Variants in AQR observed in about 807,000 individuals in gnomAD.
The protein encoded by AQR is aquarius intron-binding spliceosomal factor, also known as RNA helicase aquarius.
AQR carries 61 observed loss-of-function variants against 180.5 expected under a neutral mutation model. That is an observed-to-expected ratio of 0.34 (90% CI 0.28 to 0.42). The LOEUF (loss-of-function observed/expected upper bound fraction) is 0.42, where lower values mean the gene tolerates loss of function less well. AQR is among the 10% of genes least tolerant of loss of function. AQR has a pLI of 1.00. For missense variants in AQR, 1,281 were observed against 1,798.3 expected, an observed-to-expected ratio of 0.71 and a Z score of 5.20; for synonymous variants, 551 against 588.8, an observed-to-expected ratio of 0.94 and a Z score of 0.93.
At chr15:34,957,711 T>TA (rs1161297507) in intron 3 of AQR, among the ~76,000 whole-genome samples, 6 of 60,806 alleles carry the variant, frequency 9.9e-5, no homozygotes, top group Non-Finnish European at 1.9e-4. Flanking sequence ...CAAAAAAACA[T>TA]AAAAAAAACA....
chr15:34,878,919 T>C (rs374809962), intron 27 of AQR, among the ~76,000 whole-genome samples: 3 of 151,948 alleles, frequency 2.0e-5, no homozygotes, highest in East Asian at 3.9e-4. Flanking sequence ...TCCCAGCTAC[T>C]TGGGAGGCTG....
At chr15:34,862,123 A>T (rs560244615) in intron 33 of AQR, among the ~76,000 whole-genome samples, 16 of 152,302 alleles carry the variant, frequency 1.1e-4, no homozygotes, top group African/African-American at 3.8e-4. Flanking sequence ...GGGAGAAAGA[A>T]GGGGAGATAA....
chr15:34,876,172 T>C (rs1358904168), intron 27 of AQR, among the ~76,000 whole-genome samples, 166 bp from the exon 28 acceptor site: 2 of 152,328 alleles, frequency 1.3e-5, no homozygotes, highest in South Asian at 4.1e-4. Flanking sequence ...AGAAACTTCA[T>C]GGTCTTACTT....
At position 34,910,297 on chromosome 15, in the gene AQR, C is replaced by T. The variant is rs777879419; in HGVS notation, c.1501G>A (p.Gly501Ser). The T allele has an allele frequency of 1.3e-5, 21 of 1,613,122 alleles. No homozygotes were observed. Among genetic ancestry groups the T allele is most frequent in the Admixed American group, 3.3e-5 (2 of 59,774 alleles). Residue 501 changes from glycine to serine, a missense_variant, in exon 17 of 35, where the codon GGT (glycine) becomes AGT (serine). By Grantham distance (56) the Gly-to-Ser change is moderately conservative (BLOSUM62 0). Coordinates refer to ENST00000156471, the MANE Select transcript of AQR (RefSeq NM_014691.3). ...RMKPWQSEYG[G>S]VVFGGWARMA... The stretch of plus-strand genomic sequence containing the variant: ...CGCGCCCAACCACCAAACACTACAC[C>T]GCCATATTCAGATTGCCTGAAACCA...
chr15:34,946,705 T>TG (rs1394068359), intron 5 of AQR, among the ~76,000 whole-genome samples: 33 of 67,586 alleles, frequency 4.9e-4, no homozygotes, highest in African/African-American at 6.0e-4. Flanking sequence ...GGGAGGGAGG[T>TG]GGGGGGGTCA....
chr15:34,941,031 T>C (rs748147802), intron 7 of AQR, 32 bp from the exon 8 acceptor site: 2 of 1,456,022 alleles, frequency 1.4e-6, no homozygotes, highest in African/African-American at 2.8e-5. Context: ...AAATTACCAG[T>C]AGCCTCAAAG....
intron 5 of AQR, 100 bp from the exon 6 acceptor site, chr15:34,944,528 A>G (rs1894080898): frequency 3.3e-6 from 4 of 1,220,678 alleles, no homozygotes; most frequent in African/African-American, 3.1e-5. Flanking sequence ...AAAAAACCAA[A>G]TAATTACAAA....
rs374821058 is a variant in AQR at position 34,936,967 on chromosome 15, T to C, written c.718+1770A>G. 1.6e-4 allele frequency among the ~76,000 whole-genome samples: 25 copies of C among 152,306 alleles called. No individual in the cohort carries two copies. The South Asian group carries it at 1.7e-3, about 10-fold the overall frequency. Reference sequence around the variant, plus strand: ...CCCAATCTTAGTCCTCTTTCCAGGTTTGAAGGCACTTAGTGGAAAGATTTA... The same window carrying C: ...CCCAATCTTAGTCCTCTTTCCAGGTCTGAAGGCACTTAGTGGAAAGATTTA... On this transcript the variant is annotated intron_variant, in intron 9 of 34. Coordinates refer to ENST00000156471, the MANE Select transcript of AQR (RefSeq NM_014691.3).
rs149331763 is a variant in AQR, at chr15:34,864,784, G to A, written c.3855-1743C>T. On this transcript the variant is annotated intron_variant, in intron 32 of 34. Coordinates refer to ENST00000156471, the MANE Select transcript of AQR (RefSeq NM_014691.3). ...TCTCCCCAGCCTTCAGTGCTATAGT[G>A]CAGTAAAGTGGCTTTTGTCAGTATG... Among the ~76,000 whole-genome samples, 46 of 152,220 alleles carry A rather than the reference G, an allele frequency of 3.0e-4. No homozygotes were observed. The East Asian group carries it at 7.9e-3, about 26-fold the overall frequency.
intron 32 of AQR, among the ~76,000 whole-genome samples, chr15:34,865,788 G>A (rs555542426): frequency 7.2e-5 from 11 of 152,274 alleles, no homozygotes; most frequent in Admixed American, 3.3e-4. Flanking sequence ...TGTTAAGTGA[G>A]AGAAGCCAGT....
chr15:34,879,819 G>A (rs1411418452), intron 27 of AQR, among the ~76,000 whole-genome samples: 2 of 152,102 alleles, frequency 1.3e-5, no homozygotes, highest in South Asian at 2.1e-4. Context: ...GGAGAAAGCA[G>A]GCAGAGTTAA....
intron 28 of AQR, 110 bp from the exon 29 acceptor site, chr15:34,874,974 A>G: frequency 1.0e-6 from 1 of 967,534 alleles, no homozygotes; most frequent in Non-Finnish European, 1.5e-6. Flanking sequence ...CTTACAAATT[A>G]CCAAACTTTA....
chr15:34,957,719 A>C (rs542471117), intron 3 of AQR, among the ~76,000 whole-genome samples: 67 of 83,266 alleles, frequency 8.0e-4, no homozygotes, highest in African/African-American at 1.9e-3. Context: ...CATAAAAAAA[A>C]CATAAAAATA....
intron 5 of AQR, 199 bp downstream of exon 5, chr15:34,948,065 T>A: frequency 2.0e-6 from 1 of 500,026 alleles, no homozygotes; most frequent in Non-Finnish European, 3.3e-6. Flanking sequence ...CAATTCATAG[T>A]AAATTATTAA....
At chr15:34,964,359 T>C in intron 1 of AQR, 69 bp from the exon 2 acceptor site, 1 of 1,295,868 alleles carries the variant, frequency 7.7e-7, no homozygotes, top group Non-Finnish European at 1.1e-6. Flanking sequence ...GACAGATCAT[T>C]TAGTGATAAG....
intron 4 of AQR, among the ~76,000 whole-genome samples, chr15:34,952,385 G>C (rs1894247703): frequency 6.6e-6 from 1 of 152,202 alleles, no homozygotes; most frequent in Admixed American, 6.5e-5. Flanking sequence ...AATGGTAAAT[G>C]TAACTATCAT....
chr15:34,877,038 C>A (rs1296567284), intron 27 of AQR, among the ~76,000 whole-genome samples: 1 of 152,152 alleles, frequency 6.6e-6, no homozygotes, highest in African/African-American at 2.4e-5. Context: ...TGTATATTTA[C>A]TTGTTTAATG....
chr15:34,930,487 G>A, intron 11 of AQR, 116 bp from the exon 12 acceptor site: 11 of 570,422 alleles, frequency 1.9e-5, no homozygotes, highest in South Asian at 3.2e-5. Flanking sequence ...AAAAAACTCA[G>A]GAATGTAAAC....
At chr15:34,891,633 T>C (rs940103742) in intron 23 of AQR, among the ~76,000 whole-genome samples, 24 of 152,196 alleles carry the variant, frequency 1.6e-4, no homozygotes, top group Non-Finnish European at 2.8e-4. Context: ...TAGAAAGCCA[T>C]ATCAAGGTAT....
Sources: gnomAD v4.1 joint callset for allele counts (sites outside exome capture counted in the v4.1 genomes callset) on GRCh38, gnomAD v4.1.1 for gene constraint, MANE v1.5 for transcripts, NCBI Gene and HGNC (gene_info 2026-07-23, HGNC 2026-07-21) for gene names.